Variants in LMBR1 observed in about 807,000 individuals in gnomAD.
LMBR1 encodes limb region 1 protein homolog.
LMBR1 carries 52 observed loss-of-function variants against 73.9 expected under a neutral mutation model. That is an observed-to-expected ratio of 0.70 (90% CI 0.56 to 0.89). LMBR1 has a LOEUF of 0.89. LMBR1 is among the 40% of genes least tolerant of loss of function. The probability of loss-of-function intolerance (pLI) is 0.00; values close to 1 mark genes in which losing one functional copy is unlikely to be tolerated. For missense variants in LMBR1, 539 were observed against 579.8 expected (o/e 0.93, Z 0.72); for synonymous variants, 215 against 209.4 (o/e 1.03, Z -0.23).
At chr7:156,778,182 T>C (rs1826493551) in intron 5 of LMBR1, among the ~76,000 whole-genome samples, 1 of 152,238 alleles carries the variant, frequency 6.6e-6, no homozygotes, top group Non-Finnish European at 1.5e-5. Flanking sequence ...TTCAAATTAG[T>C]CAATATTTCT....
rs1008344011 is a variant in LMBR1 at position 156,679,471 on chromosome 7, T to C, written c.*4607A>G. 6.6e-6 allele frequency: 1 copy of C among 152,110 alleles called. No homozygotes were observed. Among genetic ancestry groups the C allele is most frequent in the South Asian group, 2.1e-4 (1 of 4,802 alleles). The allele number at this position is 152,110 out of a possible 1,614,324, so 9.4% of individuals were successfully genotyped here. Reference sequence around the variant, plus strand: ...AGAACAACTGTGGATGACTTCAAGATGCTGTTAAAGAGAAGTTGCAGAATC... The same window carrying C: ...AGAACAACTGTGGATGACTTCAAGACGCTGTTAAAGAGAAGTTGCAGAATC... On this transcript the variant is annotated 3_prime_UTR_variant, in exon 17 of 17. Transcript: ENST00000353442.
chr7:156,701,326 A>C (rs1809627206), intron 15 of LMBR1, among the ~76,000 whole-genome samples: 1 of 152,208 alleles, frequency 6.6e-6, no homozygotes, highest in Non-Finnish European at 1.5e-5. Context: ...ACAGATAAAC[A>C]AATTGTGATA....
intron 4 of LMBR1, among the ~76,000 whole-genome samples, chr7:156,808,733 G>T (rs1832584588): frequency 6.6e-6 from 1 of 151,560 alleles, no homozygotes; most frequent in East Asian, 1.9e-4. Flanking sequence ...ATCTCTGTTG[G>T]GCTATTTCTG....
chr7:156,704,788 A>G (rs903548326), intron 15 of LMBR1, among the ~76,000 whole-genome samples: 11 of 151,730 alleles, frequency 7.2e-5, no homozygotes, highest in African/African-American at 2.4e-4. Flanking sequence ...TCTGAAACAA[A>G]AAAATTAATA....
chr7:156,747,354 G>A (rs964589779), intron 9 of LMBR1, among the ~76,000 whole-genome samples: 3 of 152,044 alleles, frequency 2.0e-5, no homozygotes, highest in Admixed American at 6.6e-5. Flanking sequence ...AACTAGTGTG[G>A]TATTAAAAAT....
intron 15 of LMBR1, among the ~76,000 whole-genome samples, chr7:156,688,891 T>C (rs1371537689): frequency 6.6e-6 from 1 of 152,204 alleles, no homozygotes; most frequent in Non-Finnish European, 1.5e-5. Flanking sequence ...TAATGTCTTA[T>C]ACACACTTAA....
intron 1 of LMBR1, among the ~76,000 whole-genome samples, chr7:156,891,257 CACAT>C (rs1238691188): frequency 2.3e-5 from 3 of 127,884 alleles, no homozygotes; most frequent in Admixed American, 1.7e-4. Flanking sequence ...CACACACACA[CACAT>C]ATATACATAC....
In LMBR1 at chr7:156,751,752, T is replaced by A. The variant is rs1470512901; in HGVS notation, c.757+4641A>T. 2.6e-5 allele frequency among the ~76,000 whole-genome samples: 4 copies of A among 152,142 alleles called. No individual in the cohort carries two copies. The East Asian group carries it at 7.7e-4, about 29-fold the overall frequency. ...AGAGACTCCAAGGATTTGGCCTGAG[T>A]AGCTGGAAGAATGATTTGTCACCTG... is the stretch of plus-strand genomic sequence containing the variant. On this transcript the variant is annotated intron_variant, in intron 9 of 16. Coordinates refer to ENST00000353442, the MANE Select transcript of LMBR1 (RefSeq NM_022458.4).
Position 156,734,240 on chromosome 7 carries a change from C to G in LMBR1, c.775G>C (p.Glu259Gln). 6.2e-7 allele frequency: 1 copy of G among 1,609,878 alleles called. No homozygotes were observed. The highest frequency in any genetic ancestry group is 2.2e-5 in the East Asian group (1 of 44,756). ...TGTTCCAACTCCATTATGTTGTATT[C>G]CACCGATGAAGACAGCCCTGTTCAA... ...RRLNGLSSSV[E>Q]YNIMELEQEL... Residue 259 changes from glutamate (E) to glutamine (Q), a missense_variant, in exon 10 of 17, where the codon GAA (glutamate) becomes CAA (glutamine). Around this residue, in one of 3 missense-constraint regions of LMBR1, gnomAD observed 454 missense variants for 473.4 expected, o/e 0.96. Coordinates refer to ENST00000353442, the MANE Select transcript of LMBR1 (RefSeq NM_022458.4).
chr7:156,731,103 A>T (rs1816755389), intron 10 of LMBR1, among the ~76,000 whole-genome samples: 2 of 152,360 alleles, frequency 1.3e-5, no homozygotes, highest in South Asian at 4.1e-4. Flanking sequence ...ATTTAAATCT[A>T]TAAAAAATAA....
chr7:156,804,836 T>A (rs1478289984), intron 4 of LMBR1, among the ~76,000 whole-genome samples: 4 of 152,158 alleles, frequency 2.6e-5, no homozygotes, highest in Non-Finnish European at 5.9e-5. Context: ...ACAAAATTTA[T>A]TAGAAGTCCA....
intron 5 of LMBR1, among the ~76,000 whole-genome samples, chr7:156,764,321 T>C (rs1296678797): frequency 6.6e-6 from 1 of 152,218 alleles, no homozygotes; most frequent in African/African-American, 2.4e-5. Flanking sequence ...GATACTGCTT[T>C]TATCAGTTCT....
intron 8 of LMBR1, among the ~76,000 whole-genome samples, chr7:156,757,251 T>C (rs1269945208): frequency 6.6e-6 from 1 of 152,250 alleles, no homozygotes; most frequent in Non-Finnish European, 1.5e-5. Flanking sequence ...CATTTACATT[T>C]ACCTACATAA....
intron 8 of LMBR1, among the ~76,000 whole-genome samples, chr7:156,757,585 G>A (rs1204170447): frequency 6.6e-6 from 1 of 152,140 alleles, no homozygotes; most frequent in Non-Finnish European, 1.5e-5. Flanking sequence ...TAGCTGTAGG[G>A]CAAATCTCAA....
chr7:156,834,957 T>A (rs1837343881), intron 2 of LMBR1, among the ~76,000 whole-genome samples: 1 of 150,168 alleles, frequency 6.7e-6, no homozygotes, highest in African/African-American at 2.4e-5. Flanking sequence ...CTGGCCAACA[T>A]GGTGAAACCC....
rs1797396681 is a variant in LMBR1, at chr7:156,859,242, C to T, written c.67-22357G>A. ...CAGCCTGGGCAACAAAAGTGAAACTCCGTCTCAAAAAAAAAAAAAAACACT... is the reference window on the plus strand; with the variant it reads ...CAGCCTGGGCAACAAAAGTGAAACTTCGTCTCAAAAAAAAAAAAAAACACT... On this transcript the variant is annotated intron_variant, in intron 1 of 16. Coordinates refer to ENST00000353442, the MANE Select transcript of LMBR1 (RefSeq NM_022458.4). Among the ~76,000 whole-genome samples the T allele has an allele frequency of 5.2e-5, 3 of 57,894 alleles. No homozygotes were observed. The South Asian group carries it at 2.9e-3, about 56-fold the overall frequency. The allele number at this position is 57,894 out of a possible 152,430, so 38.0% of individuals were successfully genotyped here.
chr7:156,854,219 G>A (rs1796634482), intron 1 of LMBR1, among the ~76,000 whole-genome samples: 2 of 152,278 alleles, frequency 1.3e-5, no homozygotes, highest in African/African-American at 2.4e-5. Context: ...CTAAAAAGTG[G>A]AGAGACAAAA....
chr7:156,759,211 A>G (rs557455867), intron 8 of LMBR1, among the ~76,000 whole-genome samples: 60 of 152,268 alleles, frequency 3.9e-4, no homozygotes, highest in Non-Finnish European at 7.9e-4. Context: ...AGTGTTTTTG[A>G]TGGTAGTAGC....
chr7:156,844,984 C>G (rs1412672891), intron 1 of LMBR1, among the ~76,000 whole-genome samples: 1 of 152,118 alleles, frequency 6.6e-6, no homozygotes. Context: ...TCAAATTGTA[C>G]CACCCAGCCT....
Sources: allele counts gnomAD v4.1 joint callset (sites outside exome capture counted in the v4.1 genomes callset), GRCh38; gene constraint gnomAD v4.1.1; regional missense constraint gnomAD v4.1.1; transcripts MANE v1.5; gene names NCBI Gene and HGNC (gene_info 2026-07-23, HGNC 2026-07-21).